The following GAD2 variants were observed in gnomAD, a reference collection of about 807,000 sequenced individuals.
The protein encoded by GAD2 is glutamate decarboxylase 2.
In GAD2, 22 loss-of-function variants were observed where a neutral mutation model predicts 80.1. The observed-to-expected ratio is 0.27, with a 90% confidence interval of 0.20 to 0.39. The LOEUF is 0.39. GAD2 is among the 10% of genes least tolerant of loss of function. The pLI is 1.00. For missense variants in GAD2, 624 were observed against 738.4 expected (o/e 0.85, Z 1.80); for synonymous variants, 274 against 256.9 (o/e 1.07, Z -0.64).
At chr10:26,254,691 CA>C (rs1438635728) in intron 8 of GAD2, among the ~76,000 whole-genome samples, 1 of 152,180 alleles carries the variant, frequency 6.6e-6, no homozygotes, top group Non-Finnish European at 1.5e-5. Context: ...AGGGGAACAA[CA>C]GCATATTTTT....
chr10:26,216,944 G>A lies in GAD2; in HGVS notation c.76+59G>A. 1 of 1,424,044 alleles carries A rather than the reference G, an allele frequency of 7.0e-7. No homozygotes were observed. The highest frequency in any genetic ancestry group is 1.2e-5 in the South Asian group (1 of 83,118). The allele number at this position is 1,424,044 out of a possible 1,614,324, so 88.2% of individuals were successfully genotyped here. A position where few individuals can be genotyped will look rare whatever the true frequency, so the allele number is the denominator to read the frequency against. ...GTTTTGCGGTGGTCTGGGGTTTGCGGAACTACGGAGAAGACGAAGGAGGTT... is the reference window on the plus strand; with the variant it reads ...GTTTTGCGGTGGTCTGGGGTTTGCGAAACTACGGAGAAGACGAAGGAGGTT... On this transcript the variant is annotated intron_variant, in intron 1 of 15. Transcript: ENST00000376261. The surrounding 1 kb of genome is among the most constrained non-coding windows in gnomAD (Gnocchi z 4.7).
intron 6 of GAD2, among the ~76,000 whole-genome samples, chr10:26,228,740 C>T (rs1483623491): frequency 1.3e-5 from 2 of 152,136 alleles, no homozygotes; most frequent in African/African-American, 4.8e-5. Flanking sequence ...TTACGAGAAT[C>T]CAATTAATGC....
chr10:26,266,253 T>C (rs1334489419), intron 8 of GAD2, among the ~76,000 whole-genome samples: 1 of 152,174 alleles, frequency 6.6e-6, no homozygotes, highest in Non-Finnish European at 1.5e-5. Context: ...CAATAAATAT[T>C]TGTGGGATGA....
rs113784774 is a variant in GAD2 at position 26,218,007 on chromosome 10, G to A, written c.286+16G>A. The A allele has an allele frequency of 3.8e-6, 6 of 1,584,114 alleles. No homozygotes were observed. The highest frequency in any genetic ancestry group is 2.7e-5 in the African/African-American group (2 of 73,506). ...CATGCAACAGGTAAAGACTCAGCGG[G>A]GAGCCCCGGGGCGCCCCTGCCCCTC... On this transcript the variant is annotated intron_variant, in intron 3 of 15. Coordinates refer to ENST00000376261, the MANE Select transcript of GAD2 (RefSeq NM_001134366.2).
intron 11 of GAD2, among the ~76,000 whole-genome samples, chr10:26,280,250 A>C (rs1845256975): frequency 6.6e-6 from 1 of 152,216 alleles, no homozygotes; most frequent in South Asian, 2.1e-4. Flanking sequence ...AAACTGAGAC[A>C]GGTCTCAGTT....
chr10:26,233,308 C>T (rs1844629113), intron 7 of GAD2, among the ~76,000 whole-genome samples: 1 of 152,218 alleles, frequency 6.6e-6, no homozygotes, highest in African/African-American at 2.4e-5. Flanking sequence ...TTATACCTTC[C>T]CTGATCAAGT....
At chr10:26,284,227 C>T (rs1479709420) in intron 12 of GAD2, among the ~76,000 whole-genome samples, 1 of 152,090 alleles carries the variant, frequency 6.6e-6, no homozygotes, top group South Asian at 2.1e-4. Context: ...AGAGAGTTCT[C>T]AGTTTTAAAA....
At chr10:26,242,913 A>G (rs892670064) in intron 7 of GAD2, among the ~76,000 whole-genome samples, 1 of 152,034 alleles carries the variant, frequency 6.6e-6, no homozygotes, top group African/African-American at 2.4e-5. Flanking sequence ...GAGGGGTGTA[A>G]TTTGAGTGGC....
chr10:26,275,999 G>GT (rs1051956399), intron 11 of GAD2, among the ~76,000 whole-genome samples: 18 of 151,644 alleles, frequency 1.2e-4, no homozygotes, highest in African/African-American at 3.4e-4. Context: ...AAAAGAATTT[G>GT]TTTTTTTTAA....
At chr10:26,292,763 C>T in intron 14 of GAD2, 139 bp from the exon 15 acceptor site, 1 of 870,642 alleles carries the variant, frequency 1.1e-6, no homozygotes, top group Non-Finnish European at 1.9e-6. Context: ...TTGTCAAAAT[C>T]ATGCCCTCCA....
intron 3 of GAD2, 40 bp from the exon 4 acceptor site, chr10:26,219,003 A>C (rs749481991): frequency 2.8e-6 from 4 of 1,432,196 alleles, no homozygotes; most frequent in Non-Finnish European, 2.8e-6. Context: ...AATATTTTCA[A>C]AGTAAAATTA....
chr10:26,277,713 G>A (rs995888934), intron 11 of GAD2, among the ~76,000 whole-genome samples: 1 of 152,108 alleles, frequency 6.6e-6, no homozygotes, highest in Non-Finnish European at 1.5e-5. Flanking sequence ...GTATAGAGAC[G>A]GGGAAGAAAA....
chr10:26,270,362 C>T (rs1845120667), intron 9 of GAD2, among the ~76,000 whole-genome samples: 1 of 152,054 alleles, frequency 6.6e-6, no homozygotes, highest in South Asian at 2.1e-4. Flanking sequence ...GTCTCGGGGA[C>T]GTCCCTGACA....
intron 12 of GAD2, among the ~76,000 whole-genome samples, chr10:26,282,749 A>T (rs1313896296): frequency 6.6e-6 from 1 of 152,180 alleles, no homozygotes; most frequent in South Asian, 2.1e-4. Flanking sequence ...AAAGAGTGTT[A>T]TTACTTCTGT....
intron 10 of GAD2, 131 bp downstream of exon 10, chr10:26,270,887 T>C: frequency 1.4e-6 from 1 of 722,314 alleles, no homozygotes; most frequent in Non-Finnish European, 2.5e-6. Flanking sequence ...TTAAAGCTTT[T>C]AAAGCTGGAT....
At chr10:26,272,661 C>G (rs978960624) in intron 10 of GAD2, among the ~76,000 whole-genome samples, 1 of 152,008 alleles carries the variant, frequency 6.6e-6, no homozygotes, top group East Asian at 1.9e-4. Context: ...GTCAGAAGTT[C>G]GAGACCAGCC....
chr10:26,251,056 CT>C (rs60993936), intron 8 of GAD2, among the ~76,000 whole-genome samples: 30,055 of 119,616 alleles, frequency 0.25, 3,321 homozygotes, highest in African/African-American at 0.42. Flanking sequence ...TTTTTTTTTG[CT>C]TTTTTTTTTT....
chr10:26,283,999 T>C (rs1165302486), intron 12 of GAD2, among the ~76,000 whole-genome samples: 1 of 152,162 alleles, frequency 6.6e-6, no homozygotes, highest in Admixed American at 6.5e-5. Flanking sequence ...TGTCCAACAA[T>C]AGGAATAAGT....
intron 13 of GAD2, among the ~76,000 whole-genome samples, chr10:26,288,678 C>T (rs1383945265): frequency 6.6e-6 from 1 of 152,150 alleles, no homozygotes; most frequent in Non-Finnish European, 1.5e-5. Flanking sequence ...AATATTGTGC[C>T]AAGTTCTCTC....
Sources: allele counts gnomAD v4.1 joint callset (sites outside exome capture counted in the v4.1 genomes callset), GRCh38; gene constraint gnomAD v4.1.1; non-coding constraint Gnocchi (gnomAD v3.1); transcripts MANE v1.5; gene names NCBI Gene and HGNC (gene_info 2026-07-23, HGNC 2026-07-21).